ADCY4: variants seen among roughly 807,000 people sequenced by gnomAD.
The protein encoded by ADCY4 is adenylate cyclase type 4.
In ADCY4, 111 loss-of-function variants were observed where a neutral mutation model predicts 125.5. The observed-to-expected ratio is 0.88, with a 90% confidence interval of 0.76 to 1.04. The LOEUF is 1.04. Among genes scored for constraint, ADCY4 ranks in the 50% least tolerant of loss-of-function variants. The pLI is 0.00. For missense variants in ADCY4, 1,256 were observed against 1,382.9 expected (o/e 0.91, Z 1.46); for synonymous variants, 576 against 586.9 (o/e 0.98, Z 0.27).
rs970433869 is a variant in ADCY4 at position 24,329,212 on chromosome 14, C to A, written c.1373G>T (p.Gly458Val). ...DPRAEEEDEK[G>V]TAGGLLSSLE... is the part of the protein sequence containing the mutation. ...CGAGGACAGCAAGCCTCCTGCAGTG[C>A]CCTTCTCATCCTCCTCCTCTGCCTG... The change falls in exon 10 of 25, where the codon GGC becomes GTC. Residue 458 changes from glycine (G) to valine (V), a missense_variant. Physicochemically the swap from Gly to Val is moderately radical, Grantham distance 109. Coordinates refer to ENST00000418030, the MANE Select transcript of ADCY4 (RefSeq NM_001198568.2). The A allele has an allele frequency of 1.9e-6, 3 of 1,613,628 alleles. No homozygotes were observed. The African/African-American group carries it at 4.0e-5, about 22-fold the overall frequency.
In ADCY4 at chr14:24,329,853, G is replaced by A. The variant is rs946951391; in HGVS notation, c.1217+7C>T. On this transcript the variant is annotated splice_region_variant and intron_variant, in intron 8 of 24. Coordinates refer to ENST00000418030, the MANE Select transcript of ADCY4 (RefSeq NM_001198568.2). The stretch of plus-strand genomic sequence containing the variant: ...CTGCTGTAGCTGCCTAGGGCCCTAG[G>A]TCTCACCCTGGTACACCGCCTGCCT... The A allele has an allele frequency of 3.1e-6, 5 of 1,612,020 alleles. No individual in the cohort carries two copies. In the African/African-American group the frequency reaches 5.3e-5, roughly 17 times the overall value.
At chr14:24,324,920 T>C (rs948277285) in intron 14 of ADCY4, among the ~76,000 whole-genome samples, 3 of 152,034 alleles carry the variant, frequency 2.0e-5, no homozygotes, top group African/African-American at 7.3e-5. Context: ...GCCAGGCTAG[T>C]CTTTCACTCC....
At position 24,334,628 on chromosome 14, in the gene ADCY4, G is replaced by A. The variant is rs1433160640; in HGVS notation, c.25C>T (p.Pro9Ser). MARLFSPR[P>S]PPSEDLFYET... ...TAGAAGAGGTCTTCGCTGGGGGGCG[G>A]CCGGGGGCTGAAGAGGCGGGCCATG... The change falls in exon 1 of 25, where the codon CCG becomes TCG. Residue 9 changes from proline to serine, a missense_variant. Transcript: ENST00000418030. 6.4e-7 allele frequency: 1 copy of A among 1,554,414 alleles called. No homozygotes were observed. The highest frequency in any genetic ancestry group is 2.4e-5 in the East Asian group (1 of 41,574).
At chr14:24,326,273 T>G (rs771228412) in intron 11 of ADCY4, 26 bp downstream of exon 11, 7 of 1,613,946 alleles carry the variant, frequency 4.3e-6, no homozygotes, top group Non-Finnish European at 5.1e-6. Context: ...ACAGCCCCAC[T>G]GGCAAAGACT....
In ADCY4 at chr14:24,331,911, C is replaced by T. The variant is rs1343610180; in HGVS notation, c.546G>A (p.Leu182=). 1 of 1,578,850 alleles carries T rather than the reference C, an allele frequency of 6.3e-7. No individual in the cohort carries two copies. The change falls in exon 4 of 25, where the codon CTG becomes CTA. Residue 182 remains leucine, a synonymous_variant. Coordinates refer to ENST00000418030, the MANE Select transcript of ADCY4 (RefSeq NM_001198568.2). Reference sequence around the variant, plus strand: ...GGTACACTCCTGCCACGTTCCCGCACAGGAACAGCACTGCGTTTGCTGCCA... The same window carrying T: ...GGTACACTCCTGCCACGTTCCCGCATAGGAACAGCACTGCGTTTGCTGCCA... ...PQLAANAVLF[L]CGNVAGVYHK...
chr14:24,321,719 C>G, intron 20 of ADCY4: 3 of 886,176 alleles, frequency 3.4e-6, no homozygotes, highest in Non-Finnish European at 4.1e-6. Flanking sequence ...CGCTCACCTC[C>G]TGCTGTGTAG....
Position 24,326,285 on chromosome 14 carries a change from T to C in ADCY4, c.1568+14A>G, listed in dbSNP as rs772828387. ...CAGACAGCCCCACTGGCAAAGACTT[T>C]GAGGCCTCCTCACCGATCCAGGCTC... On this transcript the variant is annotated intron_variant, in intron 11 of 24. Transcript: ENST00000418030. The C allele has an allele frequency of 3.7e-6, 6 of 1,613,828 alleles. No individual in the cohort carries two copies. The highest frequency in any genetic ancestry group is 1.3e-5 in the African/African-American group (1 of 74,850).
rs1350338207 is a variant in ADCY4 at position 24,332,005 on chromosome 14, C to T, written c.520-68G>A. 3.5e-6 allele frequency: 5 copies of T among 1,435,448 alleles called. No homozygotes were observed. In the South Asian group the frequency reaches 4.4e-5, roughly 13 times the overall value. The allele number at this position is 1,435,448 out of a possible 1,614,324, so 88.9% of individuals were successfully genotyped here. On this transcript the variant is annotated intron_variant, in intron 3 of 24. Coordinates refer to ENST00000418030, the MANE Select transcript of ADCY4 (RefSeq NM_001198568.2). ...CTTGTCGTGTGTAGTTGGAGTTGGT[C>T]TCAAAGACTGGCTGGGGAAGACTGG...
At chr14:24,323,612 G>T in intron 16 of ADCY4, 158 bp from the exon 17 acceptor site, 2 of 1,442,910 alleles carry the variant, frequency 1.4e-6, no homozygotes, top group Non-Finnish European at 1.8e-6. Flanking sequence ...CAGCACTGGG[G>T]TCCTCACTCG....
At position 24,318,547 on chromosome 14, in the gene ADCY4, C is replaced by T. The variant is rs749026882; in HGVS notation, c.3103G>A (p.Ala1035Thr). 6 of 1,614,062 alleles carry T rather than the reference C, an allele frequency of 3.7e-6. No homozygotes were observed. Among genetic ancestry groups the T allele is most frequent in the Non-Finnish European group, 4.2e-6 (5 of 1,180,024 alleles). The change falls in exon 25 of 25, where the codon GCC becomes ACC. Residue 1035 changes from alanine to threonine, a missense_variant. Coordinates refer to ENST00000418030, the MANE Select transcript of ADCY4 (RefSeq NM_001198568.2). The part of the protein sequence containing the change: ...KIQVTEETAW[A>T]LQSLGYTCYS... ...CAGGTGTAGCCCAGGGACTGTAGGG[C>T]CCATGCTGTCTCCTCAGTCACCTAC...
rs377324556 is a variant in ADCY4 at position 24,331,831 on chromosome 14, G to T, written c.626C>A (p.Ser209Tyr). The T allele has an allele frequency of 3.7e-6, 6 of 1,603,556 alleles. No individual in the cohort carries two copies. Among genetic ancestry groups the T allele is most frequent in the Non-Finnish European group, 5.1e-6 (6 of 1,172,446 alleles). The stretch of plus-strand genomic sequence containing the variant: ...GTCCAGCCGCCGGCGTGAGTGCAGG[G>T]AGCTGAGTGCCTCCCGGAACGTGGC... Reference protein sequence around the residue: ...LRATFREALSSLHSRRRLDTE... With the variant: ...LRATFREALSYLHSRRRLDTE... The change falls in exon 4 of 25, where the codon TCC (serine) becomes TAC (tyrosine). Residue 209 changes from serine to tyrosine, a missense_variant. Physicochemically the swap from Ser to Tyr is moderately radical, Grantham distance 144. Transcript: ENST00000418030.
chr14:24,332,306 AC>A (rs1186023245), intron 3 of ADCY4: 2 of 510,142 alleles, frequency 3.9e-6, no homozygotes, highest in African/African-American at 4.1e-5. Context: ...GGGGTAAACC[AC>A]GACACGACTC....
chr14:24,319,877 G>C lies in ADCY4; in HGVS notation c.2598C>G (p.His866Gln). 6.2e-7 allele frequency: 1 copy of C among 1,613,528 alleles called. No individual in the cohort carries two copies. The highest frequency in any genetic ancestry group is 8.5e-7 in the Non-Finnish European group (1 of 1,179,952). Residue 866 changes from histidine (H) to glutamine (Q), a missense_variant, in exon 21 of 25, where the codon CAC (histidine) becomes CAG (glutamine). His to Gln is a conservative substitution (Grantham distance 24, BLOSUM62 0). Transcript: ENST00000418030. The surrounding 1 kb of genome is among the most constrained non-coding windows in gnomAD (Gnocchi z 4.5). ...GGACACAAACGCATTCATAGGACTGGTGGTAGAGATCCTGGGGGAACAGGA... is the reference window on the plus strand; with the variant it reads ...GGACACAAACGCATTCATAGGACTGCTGGTAGAGATCCTGGGGGAACAGGA... The part of the protein sequence containing the change: ...GQNRRNEDLY[H>Q]QSYECVCVLF...
rs754396205 is a variant in ADCY4 at position 24,332,840 on chromosome 14, A to T, written c.308T>A (p.Leu103Gln). The change falls in exon 2 of 25, where the codon CTA becomes CAA. Residue 103 changes from leucine to glutamine, a missense_variant. Transcript: ENST00000418030. ...SGLVWVALLA[L>Q]GHAFLFTGGV... ...CCCGGTGAACAGGAAGGCGTGGCCT[A>T]GCGCTAGCAGCGCGACCCATACCAA... The T allele has an allele frequency of 1.0e-5, 16 of 1,591,318 alleles. No homozygotes were observed. Among genetic ancestry groups the T allele is most frequent in the Non-Finnish European group, 1.4e-5 (16 of 1,167,196 alleles).
At chr14:24,332,707 G>A (rs1474889505) in intron 2 of ADCY4, 24 bp from the exon 3 acceptor site, 1 of 1,573,908 alleles carries the variant, frequency 6.4e-7, no homozygotes, top group Admixed American at 1.9e-5. Context: ...GCGGGAAGCC[G>A]AAGGCCCAAG....
chr14:24,325,061 G>A (rs2041920761), intron 14 of ADCY4, among the ~76,000 whole-genome samples: 1 of 152,116 alleles, frequency 6.6e-6, no homozygotes, highest in South Asian at 2.1e-4. Flanking sequence ...AGGAATGAGG[G>A]CCTACTTTCT....
chr14:24,322,726 C>G lies in ADCY4; in HGVS notation c.2343-18G>C, dbSNP rs765101975. 9.9e-5 allele frequency: 159 copies of G among 1,612,036 alleles called. No homozygotes were observed. The highest frequency in any genetic ancestry group is 1.3e-4 in the Non-Finnish European group (149 of 1,178,978). ...CTCCGGGCCTGAAGGGGCCATGGAT[C>G]AGGGTGACCCCTTGCTTTCCCCCTT... On this transcript the variant is annotated intron_variant, in intron 18 of 24. Coordinates refer to ENST00000418030, the MANE Select transcript of ADCY4 (RefSeq NM_001198568.2).
Position 24,319,962 on chromosome 14 carries a change from T to G in ADCY4, c.2587-74A>C. ...CCTTCTAGAGGTCTGCGTGGGGCCC[T>G]CCTCCCCATGTCCACACTCCTGGTC... is the stretch of plus-strand genomic sequence containing the variant. On this transcript the variant is annotated intron_variant, in intron 20 of 24. Coordinates refer to ENST00000418030, the MANE Select transcript of ADCY4 (RefSeq NM_001198568.2). The surrounding 1 kb of genome is among the most constrained non-coding windows in gnomAD (Gnocchi z 4.5). The G allele has an allele frequency of 6.5e-7, 1 of 1,534,708 alleles. No homozygotes were observed. Among genetic ancestry groups the G allele is most frequent in the Non-Finnish European group, 8.8e-7 (1 of 1,134,118 alleles).
intron 10 of ADCY4, among the ~76,000 whole-genome samples, chr14:24,327,606 CA>C (rs1212618383): frequency 1.3e-5 from 2 of 152,220 alleles, no homozygotes; most frequent in Non-Finnish European, 2.9e-5. Context: ...GTCCTTCCCC[CA>C]CTCCCCAGTG....
Sources: allele counts gnomAD v4.1 joint callset (sites outside exome capture counted in the v4.1 genomes callset), GRCh38; gene constraint gnomAD v4.1.1; non-coding constraint Gnocchi (gnomAD v3.1); transcripts MANE v1.5; gene names NCBI Gene and HGNC (gene_info 2026-07-23, HGNC 2026-07-21).